SLC24A2: variants seen among roughly 807,000 people sequenced by gnomAD.
SLC24A2 encodes the protein solute carrier family 24 member 2, also known as sodium/potassium/calcium exchanger 2.
SLC24A2 carries 36 observed loss-of-function variants against 62.0 expected under a neutral mutation model. That is an observed-to-expected ratio of 0.58 (90% CI 0.44 to 0.77). SLC24A2 has a LOEUF of 0.77. Ranked by LOEUF, SLC24A2 falls within the 30% of genes least tolerant of loss-of-function variation. The probability of loss-of-function intolerance (pLI) is 0.00; values close to 1 mark genes in which losing one functional copy is unlikely to be tolerated. For missense variants in SLC24A2, 846 were observed against 817.9 expected, an observed-to-expected ratio of 1.03 and a Z score of -0.42; for synonymous variants, 358 against 294.0, an observed-to-expected ratio of 1.22 and a Z score of -2.23.
the SLC24A2 span, among the ~76,000 whole-genome samples, chr9:20,243,039 C>T: frequency 1.9e-4 from 29 of 152,156 alleles, no homozygotes; most frequent in African/African-American, 6.5e-4. Flanking sequence ...TTTTATTTCT[C>T]AGCTGGTGGA....
intron 1 of SLC24A2, among the ~76,000 whole-genome samples, chr9:19,787,699 AACATCTAG>A (rs67990563): frequency 0.38 from 57,105 of 151,880 alleles, 11,682 homozygotes; most frequent in Admixed American, 0.46. Context: ...GCCTTCCCTA[AACATCTAG>A]ACATTGTTTT....
At chr9:20,142,562 T>C in the SLC24A2 span, among the ~76,000 whole-genome samples, 31 of 152,204 alleles carry the variant, frequency 2.0e-4, no homozygotes, top group East Asian at 5.8e-3. Context: ...CTCAAATGCC[T>C]CATTTCTCCA....
At chr9:19,954,060 A>T in the SLC24A2 span, among the ~76,000 whole-genome samples, 1 of 152,120 alleles carries the variant, frequency 6.6e-6, no homozygotes, top group Non-Finnish European at 1.5e-5. Flanking sequence ...GGTCTAGGGT[A>T]AAAAAGAAGA....
chr9:19,829,438 T>C, the SLC24A2 span, among the ~76,000 whole-genome samples: 4 of 152,178 alleles, frequency 2.6e-5, no homozygotes, highest in Non-Finnish European at 4.4e-5. Flanking sequence ...ACTCAATGAA[T>C]GATTTGAAAG....
At chr9:19,764,087 AT>A (rs1822436879) in intron 2 of SLC24A2, among the ~76,000 whole-genome samples, 1 of 152,114 alleles carries the variant, frequency 6.6e-6, no homozygotes, top group South Asian at 2.1e-4. Context: ...TAGATTTTCT[AT>A]TTTATTTGCA....
At chr9:19,819,417 CAGAGTGGGACAA>C in the SLC24A2 span, among the ~76,000 whole-genome samples, 1 of 151,418 alleles carries the variant, frequency 6.6e-6, no homozygotes, top group Non-Finnish European at 1.5e-5. Flanking sequence ...AGACAACCCA[CAGAGTGGGACAA>C]AATCTTCACA....
the SLC24A2 span, among the ~76,000 whole-genome samples, chr9:20,160,694 G>A: frequency 2.6e-5 from 4 of 151,116 alleles, no homozygotes; most frequent in East Asian, 5.9e-4. Context: ...AGAAATTACA[G>A]AATTTCCGAA....
At chr9:20,237,814 A>G in the SLC24A2 span, among the ~76,000 whole-genome samples, 1 of 152,052 alleles carries the variant, frequency 6.6e-6, no homozygotes, top group African/African-American at 2.4e-5. Flanking sequence ...CTTGCCCTCT[A>G]GATAGAAGTA....
intron 2 of SLC24A2, among the ~76,000 whole-genome samples, chr9:19,767,399 A>G (rs932032812): frequency 8.5e-5 from 13 of 152,170 alleles, no homozygotes; most frequent in African/African-American, 3.1e-4. Context: ...TGGCCGTACA[A>G]TTTTGTGCTT....
the SLC24A2 span, among the ~76,000 whole-genome samples, chr9:20,082,679 G>C: frequency 2.0e-5 from 3 of 152,320 alleles, no homozygotes; most frequent in South Asian, 6.2e-4. Context: ...CTGTAATCTG[G>C]AAAGGAAAGT....
chr9:19,758,035 C>A (rs923942789), intron 2 of SLC24A2, among the ~76,000 whole-genome samples: 4 of 152,104 alleles, frequency 2.6e-5, no homozygotes, highest in African/African-American at 9.7e-5. Context: ...AATTCCCAGC[C>A]TGTAGAACCA....
chr9:20,303,948 C>T, the SLC24A2 span, among the ~76,000 whole-genome samples: 3 of 152,154 alleles, frequency 2.0e-5, no homozygotes, highest in Admixed American at 6.5e-5. Context: ...GAAGAAAGTA[C>T]CTTCAGCCTT....
the SLC24A2 span, among the ~76,000 whole-genome samples, chr9:20,110,210 A>C: frequency 6.6e-6 from 1 of 152,098 alleles, no homozygotes; most frequent in African/African-American, 2.4e-5. Flanking sequence ...AACCATTTAA[A>C]CCCTAAACAT....
chr9:19,823,674 C>G, the SLC24A2 span, among the ~76,000 whole-genome samples: 1 of 151,858 alleles, frequency 6.6e-6, no homozygotes, highest in African/African-American at 2.4e-5. Flanking sequence ...CAGACGAGAT[C>G]AGGAGTGTTG....
chr9:20,191,395 G>A, the SLC24A2 span, among the ~76,000 whole-genome samples: 2 of 151,930 alleles, frequency 1.3e-5, no homozygotes, highest in Admixed American at 1.3e-4. Context: ...CATAAATGGT[G>A]CCTTCCCGTG....
At chr9:20,150,267 G>C in the SLC24A2 span, among the ~76,000 whole-genome samples, 1 of 151,950 alleles carries the variant, frequency 6.6e-6, no homozygotes, top group East Asian at 1.9e-4. Flanking sequence ...TACAGACTAT[G>C]ATCAGAGGAT....
At chr9:20,162,104 C>G in the SLC24A2 span, among the ~76,000 whole-genome samples, 2 of 151,642 alleles carry the variant, frequency 1.3e-5, no homozygotes, top group African/African-American at 4.8e-5. Context: ...AATTCAGTAA[C>G]TCAAACTTGG....
intron 8 of SLC24A2, among the ~76,000 whole-genome samples, chr9:19,535,158 T>C (rs868161983): frequency 1.3e-5 from 2 of 152,206 alleles, no homozygotes; most frequent in Non-Finnish European, 2.9e-5. Context: ...AATGTCGTCT[T>C]TTGAGAAGTG....
intron 2 of SLC24A2, among the ~76,000 whole-genome samples, chr9:19,715,204 T>C (rs1406916687): frequency 6.6e-6 from 1 of 152,240 alleles, no homozygotes; most frequent in Admixed American, 6.5e-5. Context: ...TACATTTTCA[T>C]GAACAAGTTT....
Sources: allele counts gnomAD v4.1 joint callset (sites outside exome capture counted in the v4.1 genomes callset), GRCh38; gene constraint gnomAD v4.1.1; transcripts MANE v1.5; gene names NCBI Gene and HGNC (gene_info 2026-07-23, HGNC 2026-07-21).